GRIK1: variants seen among roughly 807,000 people sequenced by gnomAD.
The protein encoded by GRIK1 is glutamate receptor ionotropic, kainate 1.
In GRIK1, 69 loss-of-function variants were observed where a neutral mutation model predicts 105.7. That is an observed-to-expected ratio of 0.65 (90% CI 0.54 to 0.80). The LOEUF (loss-of-function observed/expected upper bound fraction) is 0.80. Ranked by LOEUF, GRIK1 falls within the 30% of genes least tolerant of loss-of-function variation. The pLI is 0.00. For synonymous variants in GRIK1, 438 were observed against 431.3 expected (o/e 1.02, Z -0.19); for missense variants, 1,109 against 1,167.3 (o/e 0.95, Z 0.73).
At chr21:29,780,655 G>A (rs1015949311) in intron 1 of GRIK1, among the ~76,000 whole-genome samples, 2 of 152,218 alleles carry the variant, frequency 1.3e-5, no homozygotes, top group African/African-American at 4.8e-5. Context: ...AGAATCTCTT[G>A]TGGCTCAGCA....
intron 7 of GRIK1, among the ~76,000 whole-genome samples, chr21:29,601,504 A>G (rs1168842430): frequency 6.6e-6 from 1 of 152,190 alleles, no homozygotes; most frequent in African/African-American, 2.4e-5. Flanking sequence ...CTACGTCTCC[A>G]GAATTTCCTA....
chr21:29,747,117 T>C (rs2145626992), intron 1 of GRIK1, among the ~76,000 whole-genome samples: 1 of 152,256 alleles, frequency 6.6e-6, no homozygotes, highest in Admixed American at 6.5e-5. Flanking sequence ...AAATAATAAA[T>C]AAAAGTAGAG....
chr21:29,543,905 C>T (rs951130715), intron 16 of GRIK1, among the ~76,000 whole-genome samples: 1 of 152,212 alleles, frequency 6.6e-6, no homozygotes, highest in Non-Finnish European at 1.5e-5. Context: ...TCTTCCTTTC[C>T]TTTGGCTACA....
chr21:29,562,655 CAA>C (rs559992451), intron 14 of GRIK1, among the ~76,000 whole-genome samples: 1 of 141,492 alleles, frequency 7.1e-6, no homozygotes, highest in Admixed American at 7.1e-5. Context: ...GACTCTGTCT[CAA>C]AAAAAAAAAG....
intron 7 of GRIK1, 29 bp from the exon 8 acceptor site, chr21:29,598,966 T>C (rs544843530): frequency 3.1e-6 from 3 of 957,182 alleles, no homozygotes; most frequent in Middle Eastern, 2.1e-4. Context: ...GTGGCTGTTA[T>C]TGTTAAACAT....
At chr21:29,867,835 AGAAAGAAG>A in intron 1 of GRIK1, among the ~76,000 whole-genome samples, 1 of 150,908 alleles carries the variant, frequency 6.6e-6, no homozygotes, top group Non-Finnish European at 1.5e-5. Context: ...AAAGAAAGAA[AGAAAGAAG>A]GAAGGAAAGA....
At chr21:29,587,635 C>T in intron 11 of GRIK1, 46 bp from the exon 12 acceptor site, 1 of 1,126,282 alleles carries the variant, frequency 8.9e-7, no homozygotes, top group South Asian at 1.3e-5. Flanking sequence ...AGTTTCTTTG[C>T]AAATGTCTAG....
chr21:29,806,006 A>G (rs750212761), intron 1 of GRIK1, among the ~76,000 whole-genome samples: 10 of 152,178 alleles, frequency 6.6e-5, no homozygotes, highest in Non-Finnish European at 1.3e-4. Context: ...AAAAAACATG[A>G]CATGAAAACA....
intron 1 of GRIK1, among the ~76,000 whole-genome samples, chr21:29,811,861 C>A (rs998490279): frequency 2.0e-5 from 3 of 152,154 alleles, no homozygotes; most frequent in Non-Finnish European, 2.9e-5. Flanking sequence ...CGTGTTCCAG[C>A]CTCTCGGCTT....
intron 1 of GRIK1, among the ~76,000 whole-genome samples, chr21:29,848,779 A>ATATATTTTTT: frequency 1.2e-3 from 96 of 77,858 alleles, no homozygotes; most frequent in East Asian, 3.5e-3. Context: ...ATATATATAT[A>ATATATTTTTT]TTTTTTTTTT....
chr21:29,553,811 A>AAG, intron 16 of GRIK1: 1 of 723,744 alleles, frequency 1.4e-6, no homozygotes, highest in Non-Finnish European at 2.3e-6. Flanking sequence ...GCAACTATGA[A>AAG]AAGCACATTA....
At chr21:29,881,954 C>T (rs1412879873) in intron 1 of GRIK1, among the ~76,000 whole-genome samples, 1 of 152,122 alleles carries the variant, frequency 6.6e-6, no homozygotes, top group East Asian at 1.9e-4. Flanking sequence ...TCACTATGCT[C>T]GGAGGCAGGA....
chr21:29,641,324 C>T (rs1220300209), intron 7 of GRIK1, among the ~76,000 whole-genome samples: 1 of 152,156 alleles, frequency 6.6e-6, no homozygotes, highest in Non-Finnish European at 1.5e-5. Context: ...GAATAAGTCT[C>T]ATGAAATCTG....
intron 1 of GRIK1, among the ~76,000 whole-genome samples, chr21:29,707,350 C>T (rs939047545): frequency 5.9e-5 from 9 of 151,992 alleles, no homozygotes; most frequent in African/African-American, 2.2e-4. Context: ...GAATTTCCTT[C>T]TATTCTTTTC....
At chr21:29,796,232 G>T (rs1365329070) in intron 1 of GRIK1, among the ~76,000 whole-genome samples, 1 of 152,122 alleles carries the variant, frequency 6.6e-6, no homozygotes, top group Non-Finnish European at 1.5e-5. Context: ...AATTAATGCT[G>T]ACAGCAGTCA....
chr21:29,683,558 G>C (rs1361750887), intron 3 of GRIK1, among the ~76,000 whole-genome samples: 1 of 152,160 alleles, frequency 6.6e-6, no homozygotes, highest in African/African-American at 2.4e-5. Context: ...TTACTTATAA[G>C]TGAAAGCTAA....
chr21:29,659,124 C>G (rs2062911779), intron 4 of GRIK1, among the ~76,000 whole-genome samples: 1 of 152,032 alleles, frequency 6.6e-6, no homozygotes, highest in Admixed American at 6.6e-5. Flanking sequence ...CTAGTTTTCT[C>G]CTTTGTGCCA....
Position 29,777,033 on chromosome 21 carries a change from T to G in GRIK1, c.119-82970A>C, listed in dbSNP as rs2065963941. Among the ~76,000 whole-genome samples the G allele has an allele frequency of 2.6e-5, 4 of 152,288 alleles. 1 individual carries two copies. The highest frequency in any genetic ancestry group is 9.6e-5 in the African/African-American group (4 of 41,562). ...CTAAATTAGCCTAAGGAAGAAGATC[T>G]CATCCCTGACTGTACATTAGAGTCA... On this transcript the variant is annotated intron_variant, in intron 1 of 17. Coordinates refer to ENST00000327783, the MANE Select transcript of GRIK1 (RefSeq NM_001330994.2).
chr21:29,548,416 A>G (rs2090079636), intron 16 of GRIK1, among the ~76,000 whole-genome samples: 1 of 152,258 alleles, frequency 6.6e-6, no homozygotes, highest in Non-Finnish European at 1.5e-5. Flanking sequence ...GCATATGGAC[A>G]TAAAATTCCA....
Sources: gnomAD v4.1 joint callset for allele counts (sites outside exome capture counted in the v4.1 genomes callset) on GRCh38, gnomAD v4.1.1 for gene constraint, MANE v1.5 for transcripts, NCBI Gene and HGNC (gene_info 2026-07-23, HGNC 2026-07-21) for gene names.